Variants in XIRP2 observed in about 807,000 individuals in gnomAD.
XIRP2 encodes the protein xin actin-binding repeat-containing protein 2.
In XIRP2, 236 loss-of-function variants were observed where a neutral mutation model predicts 277.0. That is an observed-to-expected ratio of 0.85 (90% confidence interval 0.77 to 0.95). XIRP2 has a LOEUF of 0.95. XIRP2 is among the 40% of genes least tolerant of loss of function. XIRP2 has a pLI of 0.00. For synonymous variants in XIRP2, 1,490 were observed against 1,416.5 expected (o/e 1.05, Z -1.17); for missense variants, 4,640 against 4,157.5 (o/e 1.12, Z -3.19).
chr2:167,201,242 GAAAGAAAGAAAGA>G, intron 3 of XIRP2, among the ~76,000 whole-genome samples: 1 of 98,850 alleles, frequency 1.0e-5, no homozygotes, highest in Middle Eastern at 4.9e-3. Context: ...AAGAAAGAAA[GAAAGAAAGAAAGA>G]AAGAAAGAGA....
At chr2:167,024,383 A>G (rs7563091) in intron 2 of XIRP2, among the ~76,000 whole-genome samples, 51,658 of 151,596 alleles carry the variant, frequency 0.34, 11,059 homozygotes, top group African/African-American at 0.57. Context: ...TAGATATGCA[A>G]TCATGTCATC....
At chr2:166,967,384 T>G (rs1298413332) in intron 2 of XIRP2, among the ~76,000 whole-genome samples, 2 of 151,904 alleles carry the variant, frequency 1.3e-5, no homozygotes, top group African/African-American at 4.8e-5. Context: ...GCAATCTTAT[T>G]GAGCCACTTA....
Position 167,258,940 on chromosome 2 carries a change from AC to A in XIRP2, c.*1125del, listed in dbSNP as rs761590250. The A allele has an allele frequency of 3.7e-6, 6 of 1,613,060 alleles. No individual in the cohort carries two copies. The Admixed American group carries it at 8.4e-5, about 22-fold the overall frequency. The stretch of plus-strand genomic sequence containing the variant: ...GCAGTCCTGTGCAGCCTGCTCCAAA[AC>A]CAAGCCTCAGCAGAGGCCTTATGGT... On this transcript the variant is annotated 3_prime_UTR_variant, in exon 11 of 11. Transcript: ENST00000409195.
intron 3 of XIRP2, among the ~76,000 whole-genome samples, chr2:167,157,368 G>T (rs765192664): frequency 1.3e-5 from 2 of 152,020 alleles, no homozygotes; most frequent in African/African-American, 2.4e-5. Flanking sequence ...CACTATTCTT[G>T]CTTGGGATAA....
rs761806273 is a variant in XIRP2, at chr2:167,218,274, T to C, written c.832T>C (p.Tyr278His). 16 of 1,600,722 alleles carry C rather than the reference T, an allele frequency of 1.0e-5. No individual in the cohort carries two copies. The South Asian group carries it at 1.6e-4, about 16-fold the overall frequency. The change falls in exon 5 of 11, where the codon TAT becomes CAT. Residue 278 changes from tyrosine to histidine, a missense_variant. Tyr to His is a moderately conservative substitution (Grantham distance 83). Transcript: ENST00000409195. ...SSRNTFAQYQ[Y>H]QHQNRSEQEA... ...CCGTAATACCTTTGCTCAATACCAA[T>C]ATCAACATCAGAACAGATCTGAGCA...
intron 2 of XIRP2, among the ~76,000 whole-genome samples, chr2:166,932,308 C>T (rs932927376): frequency 1.3e-5 from 2 of 151,714 alleles, no homozygotes; most frequent in Admixed American, 1.3e-4. Flanking sequence ...TCTTAACTTC[C>T]AGGGCTCAAG....
chr2:167,088,972 T>C (rs1690059975), intron 2 of XIRP2, among the ~76,000 whole-genome samples: 2 of 152,168 alleles, frequency 1.3e-5, no homozygotes, highest in African/African-American at 4.8e-5. Context: ...CTGCCATTTT[T>C]CCCTGTACCT....
intron 9 of XIRP2, 157 bp downstream of exon 9, chr2:167,252,104 G>C: frequency 8.4e-7 from 1 of 1,188,880 alleles, no homozygotes; most frequent in South Asian, 2.1e-5. Flanking sequence ...CTCTTTATAT[G>C]CTTGCTTTTA....
intron 3 of XIRP2, among the ~76,000 whole-genome samples, chr2:167,169,100 A>T (rs73970872): frequency 0.032 from 4,862 of 152,220 alleles, 249 homozygotes; most frequent in African/African-American, 0.11. Flanking sequence ...CTTTAGTAGT[A>T]TAGTGGTAAG....
chr2:167,153,394 T>C (rs1270184009), intron 3 of XIRP2, among the ~76,000 whole-genome samples: 1 of 121,052 alleles, frequency 8.3e-6, no homozygotes, highest in Non-Finnish European at 1.8e-5. Context: ...GAACTCAAAA[T>C]TTTTTTTATT....
At chr2:167,027,177 A>G (rs547316909) in intron 2 of XIRP2, among the ~76,000 whole-genome samples, 1 of 152,084 alleles carries the variant, frequency 6.6e-6, no homozygotes, top group East Asian at 1.9e-4. Context: ...ACATAGTCCT[A>G]TATTTCTTGG....
At chr2:167,157,217 T>G (rs186473946) in intron 3 of XIRP2, among the ~76,000 whole-genome samples, 195 of 152,272 alleles carry the variant, frequency 1.3e-3, no homozygotes, top group Middle Eastern at 6.8e-3. Flanking sequence ...GAGAGCTCAG[T>G]GTTTTTAGTT....
chr2:166,895,675 G>GT (rs1391070646), intron 1 of XIRP2, among the ~76,000 whole-genome samples: 1 of 152,078 alleles, frequency 6.6e-6, no homozygotes, highest in African/African-American at 2.4e-5. Context: ...TTTTGGAATT[G>GT]TATTTTAACA....
At chr2:167,027,079 G>A (rs1407243719) in intron 2 of XIRP2, among the ~76,000 whole-genome samples, 1 of 152,066 alleles carries the variant, frequency 6.6e-6, no homozygotes, top group African/African-American at 2.4e-5. Flanking sequence ...AGTTCTCCTG[G>A]ATAATATCCT....
At chr2:166,978,340 C>T (rs1197935694) in intron 2 of XIRP2, among the ~76,000 whole-genome samples, 1 of 152,028 alleles carries the variant, frequency 6.6e-6, no homozygotes, top group Non-Finnish European at 1.5e-5. Context: ...TCTTTTTCTT[C>T]AAGATTGGTT....
intron 2 of XIRP2, among the ~76,000 whole-genome samples, chr2:166,980,366 A>G (rs1257216612): frequency 2.0e-5 from 3 of 152,148 alleles, no homozygotes; most frequent in Non-Finnish European, 4.4e-5. Context: ...GGATAATCTA[A>G]TCCATTAACA....
chr2:167,136,004 C>A lies in XIRP2; in HGVS notation c.504C>A (p.Gly168=). 6.2e-7 allele frequency: 1 copy of A among 1,611,828 alleles called. No homozygotes were observed. The highest frequency in any genetic ancestry group is 1.1e-5 in the South Asian group (1 of 90,834). Residue 168 remains glycine, a synonymous_variant, in exon 3 of 11, where the codon GGC becomes GGA. Transcript: ENST00000409195. ...CTGTGAAAGATTCAGACAAGAAAGG[C>A]AAGGAAACATCTTTTGACAAGATGT... ...EDSVKDSDKK[G]KETSFDKMSP...
At chr2:166,925,596 C>CATAT (rs3060398) in intron 2 of XIRP2, among the ~76,000 whole-genome samples, 1,892 of 102,316 alleles carry the variant, frequency 0.018, 15 homozygotes, top group Middle Eastern at 0.033. Context: ...TGTGTATATA[C>CATAT]ATATATATAT....
At chr2:167,232,746 T>A (rs1573979943) in intron 5 of XIRP2, among the ~76,000 whole-genome samples, 1 of 152,014 alleles carries the variant, frequency 6.6e-6, no homozygotes, top group Non-Finnish European at 1.5e-5. Flanking sequence ...GGCAGTATTA[T>A]TATTTGGTTT....
Sources: allele counts gnomAD v4.1 joint callset (sites outside exome capture counted in the v4.1 genomes callset), GRCh38; gene constraint gnomAD v4.1.1; transcripts MANE v1.5; gene names NCBI Gene and HGNC (gene_info 2026-07-23, HGNC 2026-07-21).